Variants in ABTB2 observed in about 807,000 individuals in gnomAD.
The protein encoded by ABTB2 is ankyrin repeat and BTB domain containing 2, also known as ankyrin repeat and BTB/POZ domain-containing protein 2.
ABTB2 carries 56 observed loss-of-function variants against 104.1 expected under a neutral mutation model. The ratio of observed to expected loss-of-function variants is 0.54; its 90% CI spans 0.43 to 0.67. The LOEUF (loss-of-function observed/expected upper bound fraction) is 0.67. ABTB2 is among the 30% of genes least tolerant of loss of function. The pLI, the probability that ABTB2 is intolerant of heterozygous loss-of-function variation, is 0.00. For missense variants in ABTB2, 1,279 were observed against 1,407.7 expected (o/e 0.91, Z 1.46); for synonymous variants, 606 against 608.2 (o/e 1.00, Z 0.05).
intron 1 of ABTB2, among the ~76,000 whole-genome samples, chr11:34,225,367 C>T (rs940805544): frequency 1.3e-5 from 2 of 152,188 alleles, no homozygotes; most frequent in South Asian, 2.1e-4. Context: ...TGGCTGAAGT[C>T]GCCAGCTGTA....
chr11:34,333,337 T>A (rs1855154652), intron 1 of ABTB2, among the ~76,000 whole-genome samples: 1 of 152,102 alleles, frequency 6.6e-6, no homozygotes. Context: ...TGGGTAAAAA[T>A]TCATCAAGCT....
intron 1 of ABTB2, among the ~76,000 whole-genome samples, chr11:34,323,117 G>C (rs1397741433): frequency 2.0e-5 from 3 of 152,148 alleles, no homozygotes; most frequent in Non-Finnish European, 4.4e-5. Context: ...ATGTTGGCCA[G>C]GCTGGTCTCG....
At chr11:34,292,720 T>A (rs1246424785) in intron 1 of ABTB2, among the ~76,000 whole-genome samples, 1 of 151,092 alleles carries the variant, frequency 6.6e-6, no homozygotes, top group Non-Finnish European at 1.5e-5. Context: ...GACAGGGGAG[T>A]GGAGCTCCCT....
intron 1 of ABTB2, among the ~76,000 whole-genome samples, chr11:34,289,347 A>G (rs1399151368): frequency 6.6e-6 from 1 of 152,234 alleles, no homozygotes; most frequent in Non-Finnish European, 1.5e-5. Context: ...ACATCTAGAA[A>G]GTCTCTAAGT....
chr11:34,233,350 A>ACAGAG (rs1228831687), intron 1 of ABTB2, among the ~76,000 whole-genome samples: 1 of 143,778 alleles, frequency 7.0e-6, no homozygotes, highest in African/African-American at 2.6e-5. Flanking sequence ...TTTTTTTGAG[A>ACAGAG]CAGAGCCTCC....
At chr11:34,234,092 C>G (rs1853809226) in intron 1 of ABTB2, among the ~76,000 whole-genome samples, 1 of 152,154 alleles carries the variant, frequency 6.6e-6, no homozygotes, top group African/African-American at 2.4e-5. Context: ...CAGGTATTTT[C>G]CACAGTGCTC....
At chr11:34,204,753 C>A in intron 1 of ABTB2, 63 bp from the exon 2 acceptor site, 2 of 1,547,596 alleles carry the variant, frequency 1.3e-6, no homozygotes, top group Non-Finnish European at 1.8e-6. Context: ...TGGGCCCCAG[C>A]CTGCTGCAGG....
chr11:34,271,750 C>T (rs1854316379), intron 1 of ABTB2, among the ~76,000 whole-genome samples: 1 of 114,188 alleles, frequency 8.8e-6, no homozygotes, highest in African/African-American at 3.5e-5. Context: ...TACATACATA[C>T]ATACATACAT....
intron 1 of ABTB2, among the ~76,000 whole-genome samples, chr11:34,311,128 C>T (rs1209721149): frequency 6.6e-6 from 1 of 152,210 alleles, no homozygotes; most frequent in Non-Finnish European, 1.5e-5. Flanking sequence ...CTCTAGCTTT[C>T]ACTGGCTCCA....
At chr11:34,276,851 A>T (rs939354195) in intron 1 of ABTB2, among the ~76,000 whole-genome samples, 6 of 152,222 alleles carry the variant, frequency 3.9e-5, no homozygotes, top group Non-Finnish European at 5.9e-5. Context: ...CTGCAGGTCC[A>T]TGTCTCCATC....
At chr11:34,261,398 G>GT (rs1478085426) in intron 1 of ABTB2, among the ~76,000 whole-genome samples, 1 of 151,610 alleles carries the variant, frequency 6.6e-6, no homozygotes, top group Non-Finnish European at 1.5e-5. Flanking sequence ...AAGGTAGTCT[G>GT]TTTTTTTCAT....
At chr11:34,214,467 G>A (rs1853524574) in intron 1 of ABTB2, among the ~76,000 whole-genome samples, 1 of 151,502 alleles carries the variant, frequency 6.6e-6, no homozygotes, top group African/African-American at 2.4e-5. Context: ...TTGAATTATG[G>A]TATAACATTT....
intron 1 of ABTB2, among the ~76,000 whole-genome samples, chr11:34,217,331 G>T (rs1853561811): frequency 6.6e-6 from 1 of 152,210 alleles, no homozygotes; most frequent in Non-Finnish European, 1.5e-5. Context: ...ATATTCCATT[G>T]TCTGGATGTA....
chr11:34,247,154 G>A (rs991489577), intron 1 of ABTB2, among the ~76,000 whole-genome samples: 31 of 152,280 alleles, frequency 2.0e-4, no homozygotes, highest in Non-Finnish European at 2.2e-4. Context: ...GCCCCCAGAA[G>A]TTCCATTTCT....
At chr11:34,274,377 G>A (rs2611108) in intron 1 of ABTB2, among the ~76,000 whole-genome samples, 18,610 of 151,804 alleles carry the variant, frequency 0.12, 3,714 homozygotes, top group African/African-American at 0.42. Context: ...CCAGGCTGAC[G>A]GGCCTCCATT....
chr11:34,159,157 A>C (rs190234270), intron 14 of ABTB2, 139 bp downstream of exon 14: 1 of 664,794 alleles, frequency 1.5e-6, no homozygotes, highest in Admixed American at 2.5e-5. Context: ...AAAGACCTGG[A>C]TGCTCTATTC....
At chr11:34,190,618 C>T (rs907050256) in intron 3 of ABTB2, among the ~76,000 whole-genome samples, 1 of 152,274 alleles carries the variant, frequency 6.6e-6, no homozygotes, top group East Asian at 1.9e-4. Flanking sequence ...TGCTCTATAA[C>T]GCTCGCTATA....
chr11:34,162,415 A>C (rs1565128401), intron 10 of ABTB2, among the ~76,000 whole-genome samples, 161 bp downstream of exon 10: 38 of 152,070 alleles, frequency 2.5e-4, no homozygotes. Flanking sequence ...GCCGTGTAGC[A>C]GGGGGGTCCC....
intron 1 of ABTB2, among the ~76,000 whole-genome samples, chr11:34,309,793 A>C (rs1247138260): frequency 6.7e-6 from 1 of 149,904 alleles, no homozygotes; most frequent in Non-Finnish European, 1.5e-5. Context: ...ATCAGAGTCA[A>C]AAAAAAAAAG....
Sources: gnomAD v4.1 joint callset for allele counts (sites outside exome capture counted in the v4.1 genomes callset) on GRCh38, gnomAD v4.1.1 for gene constraint, MANE v1.5 for transcripts, NCBI Gene and HGNC (gene_info 2026-07-23, HGNC 2026-07-21) for gene names.